The following STRA8 variants were observed in gnomAD, a reference collection of about 807,000 sequenced individuals.
STRA8 encodes stimulated by retinoic acid 8, also known as stimulated by retinoic acid gene 8 protein homolog.
STRA8 carries 18 observed loss-of-function variants against 37.1 expected under a neutral mutation model. That is an observed-to-expected ratio of 0.48 (90% CI 0.34 to 0.72). The LOEUF (loss-of-function observed/expected upper bound fraction) is 0.72, where lower values mean the gene tolerates loss of function less well. Among genes scored for constraint, STRA8 ranks in the 30% least tolerant of loss-of-function variants. STRA8 has a pLI of 0.01. For missense variants in STRA8, 357 were observed against 410.4 expected (o/e 0.87, Z 1.13); for synonymous variants, 168 against 162.9 (o/e 1.03, Z -0.24).
upstream of STRA8, chr7:135,232,112 C>A (rs1255926773): frequency 1.2e-5 from 16 of 1,304,560 alleles, no homozygotes; most frequent in African/African-American, 5.8e-5. Context: ...GTGTGTGTGG[C>A]AGTGGTTGGG....
rs772858043 is a variant in STRA8 at position 135,258,471 on chromosome 7, C to G, written c.1119C>G (p.Thr373=). ...TGATCATGTTGCAGTGCACAGAGAC[C>G]TTTGACGATGAAGATTTGTAATGCA... ...EEMIMLQCTE[T]FDDEDL The change falls in exon 9 of 9, where the codon ACC becomes ACG. Residue 373 remains threonine (T), a synonymous_variant. Transcript: ENST00000662584. 1 of 1,604,050 alleles carries G rather than the reference C, an allele frequency of 6.2e-7. No individual in the cohort carries two copies. Among genetic ancestry groups the G allele is most frequent in the Non-Finnish European group, 8.5e-7 (1 of 1,175,026 alleles).
At chr7:135,254,426 T>C (rs1832677577) in intron 7 of STRA8, among the ~76,000 whole-genome samples, 1 of 152,176 alleles carries the variant, frequency 6.6e-6, no homozygotes, top group South Asian at 2.1e-4. Flanking sequence ...TAAGAAGCCC[T>C]TTGAAGCAGG....
chr7:135,252,014 GT>G, intron 7 of STRA8, 145 bp downstream of exon 7: 1 of 386,730 alleles, frequency 2.6e-6, no homozygotes, highest in East Asian at 4.3e-5. Flanking sequence ...GAGAGAGAGA[GT>G]GTGTGTGTGT....
chr7:135,238,883 G>A (rs2117788709), intron 1 of STRA8, among the ~76,000 whole-genome samples: 1 of 152,274 alleles, frequency 6.6e-6, no homozygotes, highest in East Asian at 1.9e-4. Flanking sequence ...AGGGGCCTCT[G>A]CAGATTGGTG....
Position 135,251,808 on chromosome 7 carries a change from G to T in STRA8, c.892G>T (p.Asp298Tyr). Residue 298 changes from aspartate to tyrosine, a missense_variant, in exon 7 of 9, where the codon GAT (aspartate) becomes TAT (tyrosine). Transcript: ENST00000662584. ...VSTPEEILFEDAFDVASFLDK... is the reference protein window; with the variant it reads ...VSTPEEILFEYAFDVASFLDK... ...TGCTTTCTTTCAGATCCTTTTTGAG[G>T]ATGCCTTTGATGTGGCAAGCTTCCT... 6.2e-7 allele frequency: 1 copy of T among 1,614,112 alleles called. No individual in the cohort carries two copies. The highest frequency in any genetic ancestry group is 8.5e-7 in the Non-Finnish European group (1 of 1,179,998).
chr7:135,240,732 G>T lies in STRA8; in HGVS notation c.192+16G>T. On this transcript the variant is annotated intron_variant, in intron 2 of 8. Transcript: ENST00000662584. ...AGCCTCAAAGGTATGGGGACCTGGA[G>T]GAGGAGAGGGGACATCTCCACGGGG... 6.2e-7 allele frequency: 1 copy of T among 1,612,770 alleles called. No homozygotes were observed. Among genetic ancestry groups the T allele is most frequent in the Non-Finnish European group, 8.5e-7 (1 of 1,179,142 alleles).
At chr7:135,258,017 G>A (rs941582915) in intron 8 of STRA8, among the ~76,000 whole-genome samples, 3 of 152,192 alleles carry the variant, frequency 2.0e-5, no homozygotes, top group African/African-American at 7.2e-5. Context: ...CAGAGAGCAC[G>A]CTGTCTCATT....
At position 135,246,543 on chromosome 7, in the gene STRA8, G is replaced by A; in HGVS notation, c.720G>A (p.Glu240=). The A allele has an allele frequency of 6.4e-7, 1 of 1,572,440 alleles. No individual in the cohort carries two copies. Among genetic ancestry groups the A allele is most frequent in the Non-Finnish European group, 8.6e-7 (1 of 1,158,994 alleles). ...ISHLWQNLSE[E]RKASLRQAWA... is the part of the protein sequence containing the mutation. Reference sequence around the variant, plus strand: ...ACCTGTGGCAGAACCTCTCGGAGGAGAGGAAGGCCAGCCTCCGGCAGGCCT... The same window carrying A: ...ACCTGTGGCAGAACCTCTCGGAGGAAAGGAAGGCCAGCCTCCGGCAGGCCT... Residue 240 remains glutamate (E), a synonymous_variant, in exon 6 of 9, where the codon GAG becomes GAA. Coordinates refer to ENST00000662584, the MANE Select transcript of STRA8 (RefSeq NM_001394401.1). The surrounding 1 kb of genome is among the most constrained non-coding windows in gnomAD (Gnocchi z 5.4).
intron 1 of STRA8, among the ~76,000 whole-genome samples, chr7:135,235,462 A>G (rs1162804495): frequency 7.0e-6 from 1 of 142,944 alleles, no homozygotes; most frequent in Admixed American, 7.0e-5. Flanking sequence ...TTTTTTTAAG[A>G]CAGAGTTTCA....
At chr7:135,232,197 G>A (rs1043118549), upstream of STRA8, among the ~76,000 whole-genome samples, 3 of 151,870 alleles carry the variant, frequency 2.0e-5, no homozygotes, top group Admixed American at 2.0e-4. Flanking sequence ...GTGTCATCTT[G>A]GTGCGAGGAT....
At chr7:135,252,690 T>C (rs958830887) in intron 7 of STRA8, among the ~76,000 whole-genome samples, 1 of 152,192 alleles carries the variant, frequency 6.6e-6, no homozygotes, top group African/African-American at 2.4e-5. Context: ...TCCCAGTGTG[T>C]GTTAGTCCTG....
chr7:135,237,059 T>G (rs970662987), intron 1 of STRA8, among the ~76,000 whole-genome samples: 2 of 152,126 alleles, frequency 1.3e-5, no homozygotes, highest in African/African-American at 4.8e-5. Flanking sequence ...GAATTGGGAC[T>G]TAAACTGGGA....
At chr7:135,240,475 T>G (rs771155147) in intron 1 of STRA8, 44 bp from the exon 2 acceptor site, 14 of 1,569,058 alleles carry the variant, frequency 8.9e-6, no homozygotes, top group Non-Finnish European at 1.2e-5. Context: ...ATATTGTATT[T>G]TTATTATCTA....
intron 1 of STRA8, among the ~76,000 whole-genome samples, 200 bp downstream of exon 1, chr7:135,234,103 G>GTT (rs1832333864): frequency 2.0e-5 from 3 of 147,486 alleles, no homozygotes; most frequent in African/African-American, 7.5e-5. Flanking sequence ...TGATGATGAT[G>GTT]ATTATTATTA....
upstream of STRA8, chr7:135,232,044 T>C (rs1198285840): frequency 3.1e-6 from 5 of 1,613,518 alleles, no homozygotes; most frequent in African/African-American, 2.7e-5. Flanking sequence ...GGCAGGTAAA[T>C]AAGCTTCTTA....
chr7:135,246,368 C>T lies in STRA8; in HGVS notation c.594-49C>T. Reference sequence around the variant, plus strand: ...ACACCATGAACCGAATCCCGAATCGCTTCGAGAGGGAGCTTTAGGGGTGCG... The same window carrying T: ...ACACCATGAACCGAATCCCGAATCGTTTCGAGAGGGAGCTTTAGGGGTGCG... On this transcript the variant is annotated intron_variant, in intron 5 of 8. Coordinates refer to ENST00000662584, the MANE Select transcript of STRA8 (RefSeq NM_001394401.1). This position sits in a 1 kb window ranked among gnomAD's most constrained non-coding sequence, Gnocchi z 5.4. 1.3e-6 allele frequency: 2 copies of T among 1,566,398 alleles called. No homozygotes were observed. The highest frequency in any genetic ancestry group is 1.7e-6 in the Non-Finnish European group (2 of 1,154,312).
At chr7:135,241,551 C>T (rs1832464296) in intron 2 of STRA8, among the ~76,000 whole-genome samples, 1 of 152,226 alleles carries the variant, frequency 6.6e-6, no homozygotes, top group African/African-American at 2.4e-5. Context: ...GCCTCTGTGT[C>T]TCTGCTCATG....
chr7:135,254,168 T>C (rs1306627856), intron 7 of STRA8, among the ~76,000 whole-genome samples: 1 of 152,196 alleles, frequency 6.6e-6, no homozygotes, highest in Non-Finnish European at 1.5e-5. Flanking sequence ...CATTCCTGTT[T>C]CTGTGCTGAG....
intron 7 of STRA8, among the ~76,000 whole-genome samples, chr7:135,252,288 G>T (rs192198473): frequency 1.3e-5 from 2 of 152,240 alleles, no homozygotes; most frequent in African/African-American, 4.8e-5. Flanking sequence ...AGAGAGTGAA[G>T]GGGGAAGTGC....
Sources: gnomAD v4.1 joint callset for allele counts (sites outside exome capture counted in the v4.1 genomes callset) on GRCh38, gnomAD v4.1.1 for gene constraint, Gnocchi (gnomAD v3.1) non-coding constraint, MANE v1.5 for transcripts, NCBI Gene and HGNC (gene_info 2026-07-23, HGNC 2026-07-21) for gene names.